Variants in ZNRF3 observed in about 807,000 individuals in gnomAD.
ZNRF3 encodes E3 ubiquitin-protein ligase ZNRF3.
In ZNRF3, 23 loss-of-function variants were observed where a neutral mutation model predicts 72.5. The ratio of observed to expected loss-of-function variants is 0.32; its 90% CI spans 0.23 to 0.45. The LOEUF is 0.45. Among genes scored for constraint, ZNRF3 ranks in the 20% least tolerant of loss-of-function variants. The pLI is 1.00. For synonymous variants in ZNRF3, 610 were observed against 545.3 expected (o/e 1.12, Z -1.65); for missense variants, 1,169 against 1,272.1 (o/e 0.92, Z 1.23).
chr22:29,015,502 T>C (rs781427472), intron 2 of ZNRF3, among the ~76,000 whole-genome samples: 3 of 151,878 alleles, frequency 2.0e-5, no homozygotes, highest in African/African-American at 2.4e-5. Flanking sequence ...AAACCCTGTC[T>C]CTACTAAAAA....
chr22:28,968,276 C>T (rs1249864929), intron 1 of ZNRF3, among the ~76,000 whole-genome samples: 1 of 152,170 alleles, frequency 6.6e-6, no homozygotes, highest in South Asian at 2.1e-4. Context: ...TTTTTCATTT[C>T]TAGCATATAT....
Position 29,049,190 on chromosome 22 carries a change from T to C in ZNRF3, c.1016-7T>C. 6.3e-7 allele frequency: 1 copy of C among 1,580,478 alleles called. No homozygotes were observed. Among genetic ancestry groups the C allele is most frequent in the Non-Finnish European group, 8.6e-7 (1 of 1,161,140 alleles). ...CTGCCTACTCTGTTTCCTCCACTTG[T>C]CTCCAGAACAAAAGGGAAACCCAAG... On this transcript the variant is annotated splice_polypyrimidine_tract_variant and splice_region_variant and intron_variant, in intron 7 of 8. Coordinates refer to ENST00000544604, the MANE Select transcript of ZNRF3 (RefSeq NM_001206998.2). The surrounding 1 kb of genome is among the most constrained non-coding windows in gnomAD (Gnocchi z 5.2).
chr22:28,953,595 C>T (rs193230680), intron 1 of ZNRF3, among the ~76,000 whole-genome samples: 2 of 152,280 alleles, frequency 1.3e-5, no homozygotes, highest in African/African-American at 2.4e-5. Flanking sequence ...AACATTAGAA[C>T]CTTTCAAGTT....
intron 1 of ZNRF3, among the ~76,000 whole-genome samples, chr22:28,962,022 T>A (rs995994671): frequency 1.3e-5 from 2 of 152,252 alleles, no homozygotes; most frequent in East Asian, 3.8e-4. Flanking sequence ...AGAATACATG[T>A]GGACTTTCTT....
intron 1 of ZNRF3, among the ~76,000 whole-genome samples, chr22:28,986,288 C>T (rs753265780): frequency 6.6e-5 from 10 of 152,164 alleles, no homozygotes; most frequent in South Asian, 2.1e-4. Context: ...TATTTAAGAG[C>T]TTAGCACACA....
chr22:28,901,530 T>A (rs1389885717), intron 1 of ZNRF3, among the ~76,000 whole-genome samples: 1 of 152,152 alleles, frequency 6.6e-6, no homozygotes, highest in East Asian at 1.9e-4. Flanking sequence ...AGTATGTGGC[T>A]GCTTTGGCTG....
chr22:28,916,253 G>A (rs938173403), intron 1 of ZNRF3, among the ~76,000 whole-genome samples: 2 of 152,010 alleles, frequency 1.3e-5, no homozygotes, highest in East Asian at 1.9e-4. Flanking sequence ...TTGTAGAGGC[G>A]AGGTCTCACT....
At chr22:28,964,446 G>A (rs1297118153) in intron 1 of ZNRF3, among the ~76,000 whole-genome samples, 1 of 152,172 alleles carries the variant, frequency 6.6e-6, no homozygotes, top group African/African-American at 2.4e-5. Flanking sequence ...CCTGGGCCAG[G>A]GGCAGAGGGG....
intron 1 of ZNRF3, among the ~76,000 whole-genome samples, chr22:28,956,018 A>G (rs2035254305): frequency 6.6e-6 from 1 of 152,154 alleles, no homozygotes; most frequent in African/African-American, 2.4e-5. Flanking sequence ...GCGGAGGATT[A>G]TCCCCTCTAG....
chr22:28,964,979 G>T (rs770638587), intron 1 of ZNRF3, among the ~76,000 whole-genome samples: 5 of 152,108 alleles, frequency 3.3e-5, no homozygotes, highest in Admixed American at 1.3e-4. Context: ...GCCTTGTCTC[G>T]TATGCTTGAA....
At chr22:29,001,658 A>C (rs2036150988) in intron 2 of ZNRF3, among the ~76,000 whole-genome samples, 3 of 151,936 alleles carry the variant, frequency 2.0e-5, no homozygotes, top group Admixed American at 2.0e-4. Context: ...TTTTCAGTAG[A>C]GGCGGGGTTT....
intron 1 of ZNRF3, among the ~76,000 whole-genome samples, chr22:28,914,432 G>A (rs1453635527): frequency 1.3e-5 from 2 of 150,838 alleles, no homozygotes; most frequent in African/African-American, 2.4e-5. Context: ...AGAGGAAACT[G>A]AGATGAGGAG....
chr22:29,004,527 G>A (rs8142788), intron 2 of ZNRF3, among the ~76,000 whole-genome samples: 16,952 of 152,248 alleles, frequency 0.11, 1,297 homozygotes, highest in Middle Eastern at 0.19. Flanking sequence ...GCCAGTCTAG[G>A]TGGCCCCTCT....
chr22:28,958,298 A>G (rs905603216), intron 1 of ZNRF3, among the ~76,000 whole-genome samples: 2 of 152,256 alleles, frequency 1.3e-5, no homozygotes, highest in South Asian at 2.1e-4. Flanking sequence ...CACTTGGTCT[A>G]TCAACAACTA....
At chr22:28,890,766 CTT>C (rs778655580) in intron 1 of ZNRF3, among the ~76,000 whole-genome samples, 2 of 119,142 alleles carry the variant, frequency 1.7e-5, no homozygotes, top group Non-Finnish European at 1.7e-5. Context: ...CTCTCTCTCT[CTT>C]TTTTTTTTTG....
At chr22:29,004,919 G>A (rs979147645) in intron 2 of ZNRF3, among the ~76,000 whole-genome samples, 1 of 152,246 alleles carries the variant, frequency 6.6e-6, no homozygotes, top group Non-Finnish European at 1.5e-5. Context: ...GAAACCCCGT[G>A]AACCTGCTCG....
chr22:28,917,899 G>C (rs1206632875), intron 1 of ZNRF3, among the ~76,000 whole-genome samples: 1 of 152,166 alleles, frequency 6.6e-6, no homozygotes, highest in East Asian at 1.9e-4. Flanking sequence ...GTTTTGTGGT[G>C]GTAGCTTTTG....
intron 2 of ZNRF3, among the ~76,000 whole-genome samples, chr22:29,034,248 C>T (rs2036821042): frequency 6.6e-6 from 1 of 152,154 alleles, no homozygotes; most frequent in Admixed American, 6.5e-5. Flanking sequence ...ACCCAGTTGG[C>T]CCTCTTCAGT....
At position 29,050,210 on chromosome 22, in the gene ZNRF3, G is replaced by A. The variant is rs1400239201; in HGVS notation, c.2029G>A (p.Gly677Arg). ...CAGCAACTCCTCCCTGGAGCACAGG[G>A]GGCCCAATAGCTCTACCTCAGAAGT... ...YSSNSSLEHR[G>R]PNSSTSEVGL... The change falls in exon 8 of 9, where the codon GGG (glycine) becomes AGG (arginine). Residue 677 changes from glycine to arginine, a missense_variant. Gly to Arg is a moderately radical substitution (Grantham distance 125). Transcript: ENST00000544604. 1.2e-6 allele frequency: 2 copies of A among 1,600,442 alleles called. No homozygotes were observed. Among genetic ancestry groups the A allele is most frequent in the African/African-American group, 2.7e-5 (2 of 74,924 alleles).
Sources: gnomAD v4.1 joint callset for allele counts (sites outside exome capture counted in the v4.1 genomes callset) on GRCh38, gnomAD v4.1.1 for gene constraint, Gnocchi (gnomAD v3.1) non-coding constraint, MANE v1.5 for transcripts, NCBI Gene and HGNC (gene_info 2026-07-23, HGNC 2026-07-21) for gene names.